Variants in KRAS observed in about 807,000 individuals in gnomAD.
KRAS encodes the protein GTPase KRas.
In KRAS, 1 loss-of-function variant was observed where a neutral mutation model predicts 21.0. That is an observed-to-expected ratio of 0.05 (90% CI 0.02 to 0.23). KRAS has a LOEUF of 0.23. Among genes scored for constraint, KRAS ranks in the 10% least tolerant of loss-of-function variants. The pLI is 1.00. For synonymous variants in KRAS, 67 were observed against 72.5 expected (o/e 0.92, Z 0.39); for missense variants, 107 against 221.8 (o/e 0.48, Z 3.29).
rs1462333539 is a variant in KRAS, at chr12:25,208,621, CTTGAT to C, written c.*1169_*1173del. On this transcript the variant is annotated 3_prime_UTR_variant, in exon 5 of 5. Coordinates refer to ENST00000311936, the MANE Select transcript of KRAS (RefSeq NM_004985.5). Reference sequence around the variant, plus strand: ...TTTCTTAAGAAACAAAAGCAATGCTCTTGATTTGTCAGCAGGACCACCACAGAGTG... The same window carrying C: ...TTTCTTAAGAAACAAAAGCAATGCTCTTGTCAGCAGGACCACCACAGAGTG... 8.6e-6 allele frequency: 2 copies of C among 232,948 alleles called. No individual in the cohort carries two copies. Among genetic ancestry groups the C allele is most frequent in the African/African-American group, 4.4e-5 (2 of 45,296 alleles). 14.4% of individuals were successfully genotyped at this position (232,948 alleles called of 1,614,324 possible).
rs568888172 is a variant in KRAS at position 25,220,320 on chromosome 12, T to C, written c.450+5294A>G. Among the ~76,000 whole-genome samples, 3 of 152,328 alleles carry C rather than the reference T, an allele frequency of 2.0e-5. No individual in the cohort carries two copies. The East Asian group carries it at 5.8e-4, about 29-fold the overall frequency. ...AAAATAATTCTATTTGCCTTTCAGA[T>C]ATGGACTGAACTGAGTGTAAAGAAT... On this transcript the variant is annotated intron_variant, in intron 4 of 4. Coordinates refer to ENST00000311936, the MANE Select transcript of KRAS (RefSeq NM_004985.5).
At chr12:25,242,646 C>A (rs1399817471) in intron 2 of KRAS, among the ~76,000 whole-genome samples, 1 of 152,168 alleles carries the variant, frequency 6.6e-6, no homozygotes, top group Non-Finnish European at 1.5e-5. Context: ...AATGATTTTA[C>A]ATCATACCTC....
chr12:25,225,456 G>T, intron 4 of KRAS, 158 bp downstream of exon 4: 1 of 716,838 alleles, frequency 1.4e-6, no homozygotes, highest in Non-Finnish European at 2.3e-6. Flanking sequence ...CATGGACACT[G>T]GATTAAGAAG....
rs193291267 is a variant in KRAS at position 25,239,415 on chromosome 12, A to C, written c.111+5859T>G. ...AAGGATACTCTGATGATGAGAAAGGAGTCTCACTTTTCTCAAGGGTGAAAA... is the reference window on the plus strand; with the variant it reads ...AAGGATACTCTGATGATGAGAAAGGCGTCTCACTTTTCTCAAGGGTGAAAA... On this transcript the variant is annotated intron_variant, in intron 2 of 4. Coordinates refer to ENST00000311936, the MANE Select transcript of KRAS (RefSeq NM_004985.5). Among the ~76,000 whole-genome samples the C allele has an allele frequency of 1.4e-3, 218 of 152,344 alleles. 1 individual carries two copies. The highest frequency in any genetic ancestry group is 3.4e-3 in the Middle Eastern group (1 of 294).
chr12:25,245,236 T>C, intron 2 of KRAS, 38 bp downstream of exon 2: 1 of 1,566,760 alleles, frequency 6.4e-7, no homozygotes, highest in Non-Finnish European at 8.7e-7. Context: ...CAAAGAATGG[T>C]CCTGCACCAG....
At position 25,207,970 on chromosome 12, in the gene KRAS, G is replaced by C. The variant is rs542504682; in HGVS notation, c.*1825C>G. On this transcript the variant is annotated 3_prime_UTR_variant, in exon 5 of 5. Coordinates refer to ENST00000311936, the MANE Select transcript of KRAS (RefSeq NM_004985.5). Reference sequence around the variant, plus strand: ...CAAGTCATGGGGCATGTGGAAGGTAGGGAGGCAAGATGACACTAATATGGA... The same window carrying C: ...CAAGTCATGGGGCATGTGGAAGGTACGGAGGCAAGATGACACTAATATGGA... The C allele has an allele frequency of 4.3e-6, 1 of 233,208 alleles. No homozygotes were observed. Among genetic ancestry groups the C allele is most frequent in the African/African-American group, 2.2e-5 (1 of 45,456 alleles). 14.4% of individuals were successfully genotyped at this position (233,208 alleles called of 1,614,324 possible).
chr12:25,222,176 A>G (rs982897492), intron 4 of KRAS, among the ~76,000 whole-genome samples: 2 of 149,746 alleles, frequency 1.3e-5, no homozygotes, highest in African/African-American at 4.9e-5. Context: ...AAGAAAGAAA[A>G]ATAAATAAAT....
intron 2 of KRAS, among the ~76,000 whole-genome samples, chr12:25,243,258 T>C (rs1034839582): frequency 6.6e-6 from 1 of 152,186 alleles, no homozygotes; most frequent in African/African-American, 2.4e-5. Flanking sequence ...CTTAATGTAA[T>C]GTGTCAGTTC....
chr12:25,246,334 G>C lies in KRAS; in HGVS notation c.-11-939C>G, dbSNP rs558537300. ...GCACTTTCAGAGGCCAAGGCGGGTG[G>C]ATCACCTGAGGCCAGGAGTTCAAGA... is the stretch of plus-strand genomic sequence containing the variant. On this transcript the variant is annotated intron_variant, in intron 1 of 4. Coordinates refer to ENST00000311936, the MANE Select transcript of KRAS (RefSeq NM_004985.5). Among the ~76,000 whole-genome samples, 15 of 152,242 alleles carry C rather than the reference G, an allele frequency of 9.9e-5. No individual in the cohort carries two copies. The East Asian group carries it at 2.9e-3, about 29-fold the overall frequency.
chr12:25,250,279 A>T (rs1333631616), intron 1 of KRAS, among the ~76,000 whole-genome samples: 4 of 152,074 alleles, frequency 2.6e-5, no homozygotes, highest in African/African-American at 9.7e-5. Context: ...TGCCAAATGC[A>T]GCAGGGAAGG....
chr12:25,213,540 T>A (rs1951221318), intron 4 of KRAS, among the ~76,000 whole-genome samples: 1 of 152,206 alleles, frequency 6.6e-6, no homozygotes, highest in Non-Finnish European at 1.5e-5. Flanking sequence ...TCAGAGTTCA[T>A]AAATTTCAAC....
At chr12:25,221,577 G>A (rs986117327) in intron 4 of KRAS, among the ~76,000 whole-genome samples, 13 of 151,654 alleles carry the variant, frequency 8.6e-5, no homozygotes, top group Admixed American at 3.9e-4. Context: ...AACGATTTTT[G>A]CATTTTAAAG....
intron 2 of KRAS, among the ~76,000 whole-genome samples, chr12:25,235,662 C>T (rs927678946): frequency 4.6e-5 from 7 of 151,942 alleles, no homozygotes; most frequent in African/African-American, 1.5e-4. Context: ...TTAAGAAAGA[C>T]GGGGAGGGGA....
chr12:25,225,839 C>A (rs1238642888), intron 3 of KRAS, 66 bp from the exon 4 acceptor site: 2 of 1,453,676 alleles, frequency 1.4e-6, no homozygotes, highest in Non-Finnish European at 1.9e-6. Flanking sequence ...AACCTGTCCA[C>A]AACTTTTGTC....
chr12:25,221,739 A>G (rs975236503), intron 4 of KRAS, among the ~76,000 whole-genome samples: 6 of 152,168 alleles, frequency 3.9e-5, no homozygotes, highest in Non-Finnish European at 8.8e-5. Context: ...TTTAACCGGA[A>G]TATAATTCTT....
intron 4 of KRAS, among the ~76,000 whole-genome samples, chr12:25,214,458 G>A (rs1951232505): frequency 6.6e-6 from 1 of 151,142 alleles, no homozygotes; most frequent in Admixed American, 6.6e-5. Flanking sequence ...TGCATTCTCA[G>A]CTCACTGCAA....
At chr12:25,237,628 G>GTA (rs1951560842) in intron 2 of KRAS, among the ~76,000 whole-genome samples, 1 of 152,114 alleles carries the variant, frequency 6.6e-6, no homozygotes, top group African/African-American at 2.4e-5. Flanking sequence ...TCACTTATTT[G>GTA]TGCTATGGGC....
intron 2 of KRAS, among the ~76,000 whole-genome samples, chr12:25,232,712 A>G (rs1951490235): frequency 6.6e-6 from 1 of 152,214 alleles, no homozygotes; most frequent in Admixed American, 6.5e-5. Context: ...ATATTAAATG[A>G]AGGAAAGTTA....
In KRAS at chr12:25,213,940, T is replaced by A. The variant is rs182632124; in HGVS notation, c.451-4029A>T. Among the ~76,000 whole-genome samples, 20 of 152,286 alleles carry A rather than the reference T, an allele frequency of 1.3e-4. No individual in the cohort carries two copies. The East Asian group carries it at 3.9e-3, about 29-fold the overall frequency. ...ATGTCCCAGGAACCTTACTAGGCAA[T>A]GGGTGTGCAAAGATTAAAAATATGT... On this transcript the variant is annotated intron_variant, in intron 4 of 4. Coordinates refer to ENST00000311936, the MANE Select transcript of KRAS (RefSeq NM_004985.5).
Sources: allele counts gnomAD v4.1 joint callset (sites outside exome capture counted in the v4.1 genomes callset), GRCh38; gene constraint gnomAD v4.1.1; transcripts MANE v1.5; gene names NCBI Gene and HGNC (gene_info 2026-07-23, HGNC 2026-07-21).